The following ROBO1 variants were observed in gnomAD, a reference collection of about 807,000 sequenced individuals.
The protein encoded by ROBO1 is roundabout guidance receptor 1, also known as roundabout homolog 1.
In ROBO1, 149 loss-of-function variants were observed where a neutral mutation model predicts 195.9. The ratio of observed to expected loss-of-function variants is 0.76; its 90% CI spans 0.67 to 0.87. ROBO1 has a LOEUF of 0.87. ROBO1 is among the 40% of genes least tolerant of loss of function. The probability of loss-of-function intolerance (pLI) is 0.00; values close to 1 mark genes in which losing one functional copy is unlikely to be tolerated. For synonymous variants in ROBO1, 816 were observed against 733.2 expected, an observed-to-expected ratio of 1.11 and a Z score of -1.82; for missense variants, 1,933 against 2,068.3, an observed-to-expected ratio of 0.93 and a Z score of 1.27.
chr3:78,729,932 C>T (rs1395612592), intron 5 of ROBO1, among the ~76,000 whole-genome samples: 1 of 152,120 alleles, frequency 6.6e-6, no homozygotes, highest in African/African-American at 2.4e-5. Context: ...AGGTAAAAAA[C>T]AAAGTCTTAT....
chr3:78,938,552 G>A (rs1307320414), intron 4 of ROBO1, 49 bp downstream of exon 4: 9 of 1,489,978 alleles, frequency 6.0e-6, no homozygotes, highest in East Asian at 4.6e-5. Context: ...AACAAATGAC[G>A]CCACTCTGCC....
At position 78,647,658 on chromosome 3, in the gene ROBO1, G is replaced by A; in HGVS notation, c.2813-3C>T. ...TGGTGTGAAGGTAAAAGACGGGACT[G>A]AAAAATCAAAACAAAATATAAACCA... is the stretch of plus-strand genomic sequence containing the variant. On this transcript the variant is annotated splice_region_variant and splice_polypyrimidine_tract_variant and intron_variant, in intron 19 of 30. Coordinates refer to ENST00000464233, the MANE Select transcript of ROBO1 (RefSeq NM_002941.4). 6.2e-7 allele frequency: 1 copy of A among 1,610,632 alleles called. No homozygotes were observed. The highest frequency in any genetic ancestry group is 8.5e-7 in the Non-Finnish European group (1 of 1,177,162).
At chr3:78,879,036 G>A (rs925865176) in intron 4 of ROBO1, among the ~76,000 whole-genome samples, 1 of 152,176 alleles carries the variant, frequency 6.6e-6, no homozygotes, top group Non-Finnish European at 1.5e-5. Context: ...CTTGTTCACT[G>A]TCTTGCTCCT....
intron 2 of ROBO1, among the ~76,000 whole-genome samples, chr3:79,257,948 A>T (rs1384862528): frequency 6.6e-6 from 1 of 152,222 alleles, no homozygotes; most frequent in East Asian, 1.9e-4. Context: ...TGGAAGTAAT[A>T]TTTTGGTTAG....
chr3:79,145,259 T>C (rs1483856242), intron 2 of ROBO1, among the ~76,000 whole-genome samples: 1 of 151,734 alleles, frequency 6.6e-6, no homozygotes, highest in Admixed American at 6.6e-5. Flanking sequence ...GAGTAATAGG[T>C]AGTCTTCAAA....
At chr3:79,756,112 C>T (rs1237430686) in intron 1 of ROBO1, among the ~76,000 whole-genome samples, 1 of 152,162 alleles carries the variant, frequency 6.6e-6, no homozygotes, top group African/African-American at 2.4e-5. Flanking sequence ...GTCCATAGGG[C>T]AGATGCATTG....
At chr3:79,643,102 AG>A (rs1338081173) in intron 1 of ROBO1, among the ~76,000 whole-genome samples, 1 of 151,906 alleles carries the variant, frequency 6.6e-6, no homozygotes, top group Non-Finnish European at 1.5e-5. Context: ...AAAAAAAAGC[AG>A]ACAGAAGAAG....
intron 4 of ROBO1, among the ~76,000 whole-genome samples, chr3:78,817,743 T>A (rs2030261906): frequency 6.6e-6 from 1 of 152,176 alleles, no homozygotes; most frequent in Admixed American, 6.5e-5. Flanking sequence ...CTGGAGGTCC[T>A]AAAAAATAGA....
At chr3:79,350,766 T>C (rs2035311138) in intron 2 of ROBO1, among the ~76,000 whole-genome samples, 1 of 152,174 alleles carries the variant, frequency 6.6e-6, no homozygotes, top group Non-Finnish European at 1.5e-5. Context: ...TAGATTAGTG[T>C]ATTTTTAGTG....
At chr3:79,136,147 T>C (rs1254646761) in intron 2 of ROBO1, among the ~76,000 whole-genome samples, 3 of 152,200 alleles carry the variant, frequency 2.0e-5, no homozygotes, top group Non-Finnish European at 4.4e-5. Flanking sequence ...ATTTAAATTG[T>C]TTATCATCCC....
chr3:79,183,931 G>A (rs1379028899), intron 2 of ROBO1, among the ~76,000 whole-genome samples: 2 of 152,168 alleles, frequency 1.3e-5, no homozygotes, highest in Non-Finnish European at 2.9e-5. Context: ...ATAAATACAT[G>A]CATTTTTGTT....
At chr3:79,682,828 A>C (rs1946988783) in intron 1 of ROBO1, among the ~76,000 whole-genome samples, 3 of 152,014 alleles carry the variant, frequency 2.0e-5, no homozygotes, top group African/African-American at 7.2e-5. Context: ...CAAAATGTTC[A>C]TGAAGTTAGC....
At chr3:78,624,027 T>C (rs536075862) in intron 26 of ROBO1, among the ~76,000 whole-genome samples, 4 of 152,242 alleles carry the variant, frequency 2.6e-5, no homozygotes, top group Admixed American at 2.6e-4. Context: ...AAAAGGTAGA[T>C]ACAATTAAAA....
At chr3:79,284,778 G>A (rs1466191585) in intron 2 of ROBO1, among the ~76,000 whole-genome samples, 1 of 152,080 alleles carries the variant, frequency 6.6e-6, no homozygotes, top group Non-Finnish European at 1.5e-5. Flanking sequence ...AAGTGAGATT[G>A]CATCTAAAAC....
At chr3:79,568,500 T>C (rs1410994642) in intron 2 of ROBO1, among the ~76,000 whole-genome samples, 1 of 150,714 alleles carries the variant, frequency 6.6e-6, no homozygotes, top group Non-Finnish European at 1.5e-5. Flanking sequence ...AAAAAACAGA[T>C]TGATTGAATT....
chr3:78,631,698 G>A (rs1418955215), intron 24 of ROBO1, among the ~76,000 whole-genome samples: 1 of 152,110 alleles, frequency 6.6e-6, no homozygotes, highest in Non-Finnish European at 1.5e-5. Context: ...ATCTATTAGA[G>A]TTCCACTGTT....
rs111946081 is a variant in ROBO1 at position 79,100,474 on chromosome 3, T to C, written c.172+24982A>G. 8.1e-3 allele frequency among the ~76,000 whole-genome samples: 1,236 copies of C among 151,714 alleles called. 15 individuals are homozygous for C. Among genetic ancestry groups the C allele is most frequent in the Non-Finnish European group, 0.013 (885 of 67,784 alleles). On this transcript the variant is annotated intron_variant, in intron 3 of 30. Coordinates refer to ENST00000464233, the MANE Select transcript of ROBO1 (RefSeq NM_002941.4). ...GAGAAGAGTGAGCAGGTTAGGAAGC[T>C]GAATTTAAAGACACAATAGCCAGCC...
intron 1 of ROBO1, among the ~76,000 whole-genome samples, chr3:79,623,769 T>C (rs1378276035): frequency 1.3e-5 from 2 of 152,148 alleles, no homozygotes; most frequent in Non-Finnish European, 2.9e-5. Flanking sequence ...CTGTTAAACA[T>C]ACTTCAGGAT....
At chr3:79,484,996 C>T (rs1575895314) in intron 2 of ROBO1, among the ~76,000 whole-genome samples, 1 of 151,828 alleles carries the variant, frequency 6.6e-6, no homozygotes. Context: ...TTGTGATCTG[C>T]CTGCCTTGGC....
Sources: gnomAD v4.1 joint callset for allele counts (sites outside exome capture counted in the v4.1 genomes callset) on GRCh38, gnomAD v4.1.1 for gene constraint, MANE v1.5 for transcripts, NCBI Gene and HGNC (gene_info 2026-07-23, HGNC 2026-07-21) for gene names.